NIPBL: variants seen among roughly 807,000 people sequenced by gnomAD.
The protein encoded by NIPBL is NIPBL cohesin loading factor, also known as nipped-B-like protein.
A neutral mutation model predicts 321.8 loss-of-function variants in NIPBL; 19 were observed. That is an observed-to-expected ratio of 0.06 (90% CI 0.04 to 0.09). NIPBL has a LOEUF of 0.09. Ranked by LOEUF, NIPBL falls within the 10% of genes least tolerant of loss-of-function variation. The pLI is 1.00. For synonymous variants in NIPBL, 1,106 were observed against 1,114.1 expected, an observed-to-expected ratio of 0.99 and a Z score of 0.14; for missense variants, 2,210 against 3,327.0, an observed-to-expected ratio of 0.66 and a Z score of 8.26.
In NIPBL at chr5:37,007,611, G is replaced by A. The variant is rs759625725; in HGVS notation, c.4239+137G>A. The A allele has an allele frequency of 1.1e-3, 705 of 614,370 alleles. 2 individuals are homozygous for A. Among genetic ancestry groups the A allele is most frequent in the Non-Finnish European group, 1.5e-3 (559 of 361,010 alleles). 38.1% of individuals were successfully genotyped at this position (614,370 alleles called of 1,614,324 possible). A position where few individuals can be genotyped will look rare whatever the true frequency, so the allele number is the denominator to read the frequency against. The stretch of plus-strand genomic sequence containing the variant: ...GTTAAGAGTATGTTATATCTAAATC[G>A]AAGAAATAAAACTTCAGGAGTTTTA... On this transcript the variant is annotated intron_variant, in intron 18 of 46. Transcript: ENST00000282516.
intron 9 of NIPBL, among the ~76,000 whole-genome samples, chr5:36,979,263 T>G (rs910319417): frequency 6.6e-6 from 1 of 152,016 alleles, no homozygotes; most frequent in African/African-American, 2.4e-5. Context: ...ATGATTTATT[T>G]TATCAGTGTT....
intron 32 of NIPBL, among the ~76,000 whole-genome samples, 150 bp from the exon 33 acceptor site, chr5:37,036,224 TATTAA>T (rs2149717711): frequency 6.6e-6 from 1 of 151,292 alleles, no homozygotes; most frequent in South Asian, 2.1e-4. Context: ...GCACTTTGAG[TATTAA>T]ATTGTTAATG....
Position 37,036,397 on chromosome 5 carries a change from G to T in NIPBL, c.5881G>T (p.Asp1961Tyr), listed in dbSNP as rs1200416794. The T allele has an allele frequency of 7.4e-7, 1 of 1,352,460 alleles. No homozygotes were observed. The highest frequency in any genetic ancestry group is 9.7e-7 in the Non-Finnish European group (1 of 1,028,446). 83.8% of individuals were successfully genotyped at this position (1,352,460 alleles called of 1,614,324 possible). A position where few individuals can be genotyped will look rare whatever the true frequency, so the allele number is the denominator to read the frequency against. The change falls in exon 33 of 47, where the codon GAT becomes TAT. Residue 1961 changes from aspartate to tyrosine, a missense_variant. This residue lies in a region of NIPBL where 69 missense variants were observed against 100.8 expected (regional missense o/e 0.68). Transcript: ENST00000282516. The part of the protein sequence containing the change: ...LLQNLLKSEE[D>Y]SSYKPVKKAC... ...TATATAGTTGTTGAAGTCCGAAGAGGATTCCTCATATAAACCTGTGAAGAA... is the reference window on the plus strand; with the variant it reads ...TATATAGTTGTTGAAGTCCGAAGAGTATTCCTCATATAAACCTGTGAAGAA...
chr5:37,009,911 A>G (rs1246639911), intron 20 of NIPBL, among the ~76,000 whole-genome samples, 176 bp from the exon 21 acceptor site: 1 of 152,254 alleles, frequency 6.6e-6, no homozygotes, highest in Non-Finnish European at 1.5e-5. Flanking sequence ...ATGCATAGGC[A>G]TTTACTTGAT....
chr5:37,004,475 G>A (rs1344615820), intron 16 of NIPBL, among the ~76,000 whole-genome samples: 1 of 151,288 alleles, frequency 6.6e-6, no homozygotes, highest in Non-Finnish European at 1.5e-5. Flanking sequence ...TACAGTCATA[G>A]CTCATTGTAG....
chr5:37,045,638 T>C, intron 37 of NIPBL, 41 bp downstream of exon 37: 1 of 1,582,512 alleles, frequency 6.3e-7, no homozygotes, highest in Non-Finnish European at 8.7e-7. Context: ...AACATAGAGC[T>C]ATATGGCACT....
rs1383939350 is a variant in NIPBL, at chr5:37,041,107, C to T, written c.6108+2369C>T. Among the ~76,000 whole-genome samples the T allele has an allele frequency of 8.0e-5, 12 of 150,782 alleles. No individual in the cohort carries two copies. The East Asian group carries it at 2.1e-3, about 27-fold the overall frequency. On this transcript the variant is annotated intron_variant, in intron 34 of 46. Coordinates refer to ENST00000282516, the MANE Select transcript of NIPBL (RefSeq NM_133433.4). ...TTCATTACAAATATTTTTTCCTATT[C>T]TGTTCTGTTGCTCTTTTACTTAATG...
intron 4 of NIPBL, 113 bp from the exon 5 acceptor site, chr5:36,961,371 A>G (rs1450559002): frequency 1.4e-6 from 1 of 736,148 alleles, no homozygotes; most frequent in Admixed American, 2.1e-5. Flanking sequence ...TGAAATGAAA[A>G]CATTGATCAA....
intron 31 of NIPBL, among the ~76,000 whole-genome samples, chr5:37,026,820 GAA>G (rs1423539037): frequency 2.0e-5 from 3 of 151,082 alleles, no homozygotes; most frequent in Non-Finnish European, 4.4e-5. Flanking sequence ...AGAGATCTTT[GAA>G]CCAGGAGTTC....
chr5:36,878,767 T>C (rs1244738752), intron 1 of NIPBL, among the ~76,000 whole-genome samples: 1 of 152,212 alleles, frequency 6.6e-6, no homozygotes, highest in Non-Finnish European at 1.5e-5. Flanking sequence ...ACTAGGCATG[T>C]TTTTAATGCT....
rs777136404 is a variant in NIPBL, at chr5:37,064,778, A to G, written c.8301A>G (p.Lys2767=). The part of the protein sequence containing the change: ...RKLVPWVDTI[K]ESDIIYKKIA... Reference sequence around the variant, plus strand: ...TGGTGCCTTGGGTAGACACTATTAAAGAGTCAGACATTATTTACAAAAAAA... The same window carrying G: ...TGGTGCCTTGGGTAGACACTATTAAGGAGTCAGACATTATTTACAAAAAAA... The change falls in exon 47 of 47, where the codon AAA becomes AAG. Residue 2767 remains lysine (K), a synonymous_variant. Transcript: ENST00000282516. The G allele has an allele frequency of 1.2e-5, 19 of 1,614,212 alleles. No homozygotes were observed. The East Asian group carries it at 4.2e-4, about 36-fold the overall frequency.
chr5:36,898,636 C>T (rs1305427617), intron 1 of NIPBL, among the ~76,000 whole-genome samples: 1 of 152,030 alleles, frequency 6.6e-6, no homozygotes, highest in East Asian at 1.9e-4. Context: ...CTCAGCCTCC[C>T]GAATAGCTGG....
At chr5:36,914,743 T>TA (rs1198137378) in intron 1 of NIPBL, among the ~76,000 whole-genome samples, 4 of 152,192 alleles carry the variant, frequency 2.6e-5, no homozygotes, top group Non-Finnish European at 5.9e-5. Flanking sequence ...GCTTTCCTCT[T>TA]ATATATTGAC....
intron 9 of NIPBL, among the ~76,000 whole-genome samples, chr5:36,980,765 A>G (rs1359225071): frequency 1.3e-5 from 2 of 151,668 alleles, no homozygotes; most frequent in Non-Finnish European, 3.0e-5. Flanking sequence ...TTGTTAAGCA[A>G]TACATGAAAT....
At chr5:36,907,519 G>A (rs1418324632) in intron 1 of NIPBL, among the ~76,000 whole-genome samples, 8 of 152,076 alleles carry the variant, frequency 5.3e-5, no homozygotes, top group African/African-American at 1.7e-4. Flanking sequence ...TTATAGCTTC[G>A]GGAGTATTAT....
intron 1 of NIPBL, among the ~76,000 whole-genome samples, chr5:36,911,079 G>A (rs904283561): frequency 4.6e-5 from 7 of 152,168 alleles, no homozygotes; most frequent in Admixed American, 2.0e-4. Context: ...TATGAATGAA[G>A]ACTGCAGAAA....
chr5:36,975,699 CTT>C lies in NIPBL; in HGVS notation c.869-76_869-75del, dbSNP rs1470768152. On this transcript the variant is annotated intron_variant, in intron 8 of 46. Transcript: ENST00000282516. The stretch of plus-strand genomic sequence containing the variant: ...TTTTTCTAGTATTACTATATTGTCA[CTT>C]ATTAATATTTCTATCACATTGTAAG... The C allele has an allele frequency of 3.2e-5, 43 of 1,337,934 alleles. No homozygotes were observed. In the South Asian group the frequency reaches 4.2e-4, roughly 13 times the overall value. 82.9% of individuals were successfully genotyped at this position (1,337,934 alleles called of 1,614,324 possible).
At chr5:37,050,591 T>C (rs912412516) in intron 40 of NIPBL, among the ~76,000 whole-genome samples, 5 of 152,160 alleles carry the variant, frequency 3.3e-5, no homozygotes, top group African/African-American at 1.2e-4. Flanking sequence ...ACAATTGCTT[T>C]CTCTCTCTCC....
intron 33 of NIPBL, 105 bp downstream of exon 33, chr5:37,036,592 G>T (rs1751722242): frequency 1.6e-5 from 6 of 371,762 alleles, no homozygotes; most frequent in Non-Finnish European, 2.5e-5. Context: ...CTTGTCTAAT[G>T]ATTACTTCAC....
Sources: allele counts gnomAD v4.1 joint callset (sites outside exome capture counted in the v4.1 genomes callset), GRCh38; gene constraint gnomAD v4.1.1; regional missense constraint gnomAD v4.1.1; transcripts MANE v1.5; gene names NCBI Gene and HGNC (gene_info 2026-07-23, HGNC 2026-07-21).